Variants in INPP5D observed in about 807,000 individuals in gnomAD.
INPP5D encodes phosphatidylinositol 3,4,5-trisphosphate 5-phosphatase 1.
INPP5D carries 33 observed loss-of-function variants against 122.9 expected under a neutral mutation model. That is an observed-to-expected ratio of 0.27 (90% CI 0.20 to 0.36). The LOEUF (loss-of-function observed/expected upper bound fraction) is 0.36, where lower values mean the gene tolerates loss of function less well. Among genes scored for constraint, INPP5D ranks in the 10% least tolerant of loss-of-function variants. The pLI is 1.00. For missense variants in INPP5D, 1,053 were observed against 1,412.7 expected, an observed-to-expected ratio of 0.75 and a Z score of 4.08; for synonymous variants, 584 against 576.2, an observed-to-expected ratio of 1.01 and a Z score of -0.19.
chr2:233,166,898 C>T lies in INPP5D; in HGVS notation c.1556-2407C>T, dbSNP rs1328966661. ...GCTTGGGAGGCTGAGGCAGGAGAAT[C>T]GCTTGAACCCGAGAGGTGGAGGTTG... On this transcript the variant is annotated intron_variant, in intron 13 of 26. Coordinates refer to ENST00000445964, the MANE Select transcript of INPP5D (RefSeq NM_001017915.3). Among the ~76,000 whole-genome samples, 8 of 151,956 alleles carry T rather than the reference C, an allele frequency of 5.3e-5. No individual in the cohort carries two copies. In the East Asian group the frequency reaches 1.2e-3, roughly 22 times the overall value.
At chr2:233,194,111 C>A (rs2106323164) in intron 23 of INPP5D, 150 bp downstream of exon 23, 3 of 1,319,948 alleles carry the variant, frequency 2.3e-6, no homozygotes, top group Non-Finnish European at 3.0e-6. Context: ...CAATCTGGCC[C>A]AACCCTCACT....
intron 4 of INPP5D, among the ~76,000 whole-genome samples, chr2:233,129,286 C>A (rs1342876890): frequency 6.6e-6 from 1 of 152,186 alleles, no homozygotes; most frequent in Admixed American, 6.5e-5. Context: ...GTAATAATAT[C>A]TGAGTCATAA....
intron 1 of INPP5D, among the ~76,000 whole-genome samples, chr2:233,079,093 T>C (rs993619464): frequency 6.6e-6 from 1 of 152,074 alleles, no homozygotes; most frequent in Non-Finnish European, 1.5e-5. Context: ...CCCACCTAAA[T>C]GACCCCCCCC....
At chr2:233,069,972 C>T (rs1691332487) in intron 1 of INPP5D, among the ~76,000 whole-genome samples, 1 of 152,212 alleles carries the variant, frequency 6.6e-6, no homozygotes, top group Non-Finnish European at 1.5e-5. Flanking sequence ...GTGCCCGCCT[C>T]ATTCTAACCT....
chr2:233,171,336 G>A (rs1363437452), intron 17 of INPP5D, 184 bp downstream of exon 17: 4 of 810,900 alleles, frequency 4.9e-6, no homozygotes, highest in Non-Finnish European at 7.2e-6. Context: ...GCACTGCTTT[G>A]AGCTGGGAAA....
intron 2 of INPP5D, among the ~76,000 whole-genome samples, chr2:233,115,666 T>C (rs1201703252): frequency 6.6e-6 from 1 of 152,108 alleles, no homozygotes; most frequent in African/African-American, 2.4e-5. Flanking sequence ...CAGACAAAGG[T>C]GCCTCTCCCT....
At position 233,161,824 on chromosome 2, in the gene INPP5D, T is replaced by C; in HGVS notation, c.1238T>C (p.Met413Thr). The C allele has an allele frequency of 6.2e-7, 1 of 1,612,666 alleles. No homozygotes were observed. The highest frequency in any genetic ancestry group is 8.5e-7 in the Non-Finnish European group (1 of 1,179,310). ...MITIFIGTWN[M>T]GNAPPPKKIT... ...ACCATCTTCATCGGCACCTGGAACATGGGTGGGTCCGCGCGCCCCCTCCCT... is the reference window on the plus strand; with the variant it reads ...ACCATCTTCATCGGCACCTGGAACACGGGTGGGTCCGCGCGCCCCCTCCCT... The change falls in exon 11 of 27, where the codon ATG (methionine) becomes ACG (threonine). Residue 413 changes from methionine (M) to threonine (T), a missense_variant and splice_region_variant. Physicochemically the swap from Met to Thr is moderately conservative, Grantham distance 81. This residue lies in a region of INPP5D where 105 missense variants were observed against 199.8 expected (regional missense o/e 0.53). Coordinates refer to ENST00000445964, the MANE Select transcript of INPP5D (RefSeq NM_001017915.3).
chr2:233,168,005 CAAAAAAAA>C (rs58025565), intron 13 of INPP5D, among the ~76,000 whole-genome samples: 111 of 72,726 alleles, frequency 1.5e-3, no homozygotes, highest in African/African-American at 5.7e-3. Flanking sequence ...ACTCTGTCTC[CAAAAAAAA>C]AAAAAAAAAA....
Position 233,078,960 on chromosome 2 carries a change from C to A in INPP5D, c.135-375C>A, listed in dbSNP as rs1055457110. Reference sequence around the variant, plus strand: ...CCTCCCAAAGTGCTGGGATTACAGGCGTGAGCCACCGTGCCTGGCCTGCAA... The same window carrying A: ...CCTCCCAAAGTGCTGGGATTACAGGAGTGAGCCACCGTGCCTGGCCTGCAA... On this transcript the variant is annotated intron_variant, in intron 1 of 26. Transcript: ENST00000445964. The surrounding 1 kb of genome is among the most constrained non-coding windows in gnomAD (Gnocchi z 4.6). 1.3e-5 allele frequency among the ~76,000 whole-genome samples: 2 copies of A among 152,098 alleles called. No homozygotes were observed. Among genetic ancestry groups the A allele is most frequent in the African/African-American group, 4.8e-5 (2 of 41,418 alleles).
rs1380373385 is a variant in INPP5D at position 233,188,062 on chromosome 2, C to T, written c.2359-1788C>T. 1.3e-5 allele frequency among the ~76,000 whole-genome samples: 2 copies of T among 152,106 alleles called. No individual in the cohort carries two copies. The highest frequency in any genetic ancestry group is 2.4e-5 in the African/African-American group (1 of 41,422). On this transcript the variant is annotated intron_variant, in intron 21 of 26. Coordinates refer to ENST00000445964, the MANE Select transcript of INPP5D (RefSeq NM_001017915.3). The surrounding 1 kb of genome is among the most constrained non-coding windows in gnomAD (Gnocchi z 4.7). ...GCCCCCTCCCAGGGGGTCCACTCCT[C>T]CTGTCTCCTGCCTCTTGCTGAGGCA...
intron 2 of INPP5D, among the ~76,000 whole-genome samples, chr2:233,087,049 A>G (rs1045503483): frequency 1.3e-5 from 2 of 152,212 alleles, no homozygotes; most frequent in Non-Finnish European, 2.9e-5. Flanking sequence ...ATGTCTGTGC[A>G]CTGGGGAGGC....
At chr2:233,162,226 GGAGAGAGACA>G (rs143923376) in intron 11 of INPP5D, among the ~76,000 whole-genome samples, 8 of 69,764 alleles carry the variant, frequency 1.1e-4, no homozygotes, top group Non-Finnish European at 1.6e-4. Context: ...AGATTTATCA[GGAGAGAGACA>G]GAGAGAGACA....
At chr2:233,192,051 C>A (rs933354251) in intron 22 of INPP5D, among the ~76,000 whole-genome samples, 1 of 152,132 alleles carries the variant, frequency 6.6e-6, no homozygotes. Context: ...TGGGCCTGAG[C>A]CCAGGCAGCT....
intron 2 of INPP5D, among the ~76,000 whole-genome samples, chr2:233,106,931 A>G (rs181874098): frequency 2.6e-5 from 4 of 152,298 alleles, no homozygotes; most frequent in East Asian, 1.9e-4. Flanking sequence ...CAAAGCTGTC[A>G]ATTTTCCAGC....
intron 18 of INPP5D, among the ~76,000 whole-genome samples, chr2:233,180,381 C>G (rs537264847): frequency 6.6e-6 from 1 of 151,918 alleles, no homozygotes; most frequent in African/African-American, 2.4e-5. Context: ...AAACCCTGCT[C>G]GTCAACCCAT....
Position 233,189,803 on chromosome 2 carries a change from C to G in INPP5D, c.2359-47C>G. 2.5e-6 allele frequency: 4 copies of G among 1,602,006 alleles called. No homozygotes were observed. In the South Asian group the frequency reaches 4.5e-5, roughly 18 times the overall value. On this transcript the variant is annotated intron_variant, in intron 21 of 26. Transcript: ENST00000445964. This position sits in a 1 kb window ranked among gnomAD's most constrained non-coding sequence, Gnocchi z 5.6. ...ACTTGTCCACCCACCTGTCCCCTCA[C>G]CTGTCCCTTGCCCATCAACTCCAGT...
intron 9 of INPP5D, among the ~76,000 whole-genome samples, chr2:233,151,525 C>T (rs1559320980): frequency 1.3e-5 from 2 of 152,108 alleles, no homozygotes; most frequent in South Asian, 2.1e-4. Context: ...AAATTCCCTC[C>T]CCCTAAAAAG....
rs138771769 is a variant in INPP5D at position 233,146,261 on chromosome 2, C to A, written c.834+19C>A. ...AGACAAGGTACGTGTGGGGCTCCTG[C>A]GGCTTCTCTTGGTCTCCTCTTTGGT... On this transcript the variant is annotated intron_variant, in intron 7 of 26. Coordinates refer to ENST00000445964, the MANE Select transcript of INPP5D (RefSeq NM_001017915.3). 8 of 704,276 alleles carry A rather than the reference C, an allele frequency of 1.1e-5. No individual in the cohort carries two copies. The highest frequency in any genetic ancestry group is 1.0e-4 in the South Asian group (7 of 67,602). The allele number at this position is 704,276 out of a possible 1,614,324, so 43.6% of individuals were successfully genotyped here.
At chr2:233,205,971 C>T (rs577283683) in intron 26 of INPP5D, among the ~76,000 whole-genome samples, 2 of 152,150 alleles carry the variant, frequency 1.3e-5, no homozygotes, top group South Asian at 2.1e-4. Flanking sequence ...CCCAACTACT[C>T]GGGAGGCTGA....
Sources: allele counts gnomAD v4.1 joint callset (sites outside exome capture counted in the v4.1 genomes callset), GRCh38; gene constraint gnomAD v4.1.1; regional missense constraint gnomAD v4.1.1; non-coding constraint Gnocchi (gnomAD v3.1); transcripts MANE v1.5; gene names NCBI Gene and HGNC (gene_info 2026-07-23, HGNC 2026-07-21).